The following MANBA variants were observed in gnomAD, a reference collection of about 807,000 sequenced individuals.
The protein encoded by MANBA is mannosidase beta.
Under a neutral mutation model 111.1 loss-of-function variants are expected in MANBA, and 83 were observed. The observed-to-expected ratio is 0.75, with a 90% confidence interval of 0.63 to 0.90. MANBA has a LOEUF of 0.90. Ranked by LOEUF, MANBA falls within the 40% of genes least tolerant of loss-of-function variation. The probability of loss-of-function intolerance (pLI) is 0.00; values close to 1 mark genes in which losing one functional copy is unlikely to be tolerated. For synonymous variants in MANBA, 370 were observed against 378.7 expected (o/e 0.98, Z 0.27); for missense variants, 1,036 against 1,069.0 (o/e 0.97, Z 0.43).
intron 1 of MANBA, chr4:102,728,677 C>T: frequency 1.7e-6 from 1 of 581,798 alleles, no homozygotes. Flanking sequence ...GTCTCACGTT[C>T]CCTGTGCTCC....
intron 7 of MANBA, among the ~76,000 whole-genome samples, chr4:102,689,069 G>A (rs958760826): frequency 3.3e-5 from 5 of 152,078 alleles, no homozygotes; most frequent in Non-Finnish European, 7.4e-5. Flanking sequence ...AAAATATAAG[G>A]CCGGGCGCAG....
At chr4:102,638,814 T>A (rs527915617) in intron 14 of MANBA, among the ~76,000 whole-genome samples, 1 of 152,262 alleles carries the variant, frequency 6.6e-6, no homozygotes, top group South Asian at 2.1e-4. Context: ...CTGGCACTAA[T>A]GAAAACATGT....
chr4:102,648,972 A>T (rs894196315), intron 13 of MANBA, among the ~76,000 whole-genome samples: 18 of 152,204 alleles, frequency 1.2e-4, no homozygotes, highest in African/African-American at 4.3e-4. Context: ...TAATATACTT[A>T]AATTTCAATA....
intron 8 of MANBA, chr4:102,672,226 AT>A: frequency 2.5e-6 from 1 of 396,710 alleles, no homozygotes. Flanking sequence ...TACTGATGAC[AT>A]TTACATTCTA....
intron 1 of MANBA, among the ~76,000 whole-genome samples, chr4:102,735,207 C>T (rs1723169712): frequency 6.6e-6 from 1 of 152,168 alleles, no homozygotes; most frequent in Non-Finnish European, 1.5e-5. Context: ...TAGGCAGTGC[C>T]TGCTTCTGCT....
chr4:102,715,943 A>G (rs1169575864), intron 4 of MANBA, among the ~76,000 whole-genome samples: 1 of 152,202 alleles, frequency 6.6e-6, no homozygotes, highest in African/African-American at 2.4e-5. Flanking sequence ...TTTCTCTATA[A>G]TATCTCTGAA....
At chr4:102,713,261 G>T (rs1386845571) in intron 5 of MANBA, among the ~76,000 whole-genome samples, 1 of 152,136 alleles carries the variant, frequency 6.6e-6, no homozygotes, top group Non-Finnish European at 1.5e-5. Context: ...TGATTACACT[G>T]AGCATTGCAC....
At chr4:102,663,834 G>A (rs2110215637) in intron 11 of MANBA, among the ~76,000 whole-genome samples, 1 of 152,186 alleles carries the variant, frequency 6.6e-6, no homozygotes, top group South Asian at 2.1e-4. Context: ...AAAAAATGCT[G>A]CTTTTTCTCA....
At chr4:102,716,527 GGTACCT>G (rs1722340981) in intron 4 of MANBA, among the ~76,000 whole-genome samples, 1 of 151,914 alleles carries the variant, frequency 6.6e-6, no homozygotes, top group South Asian at 2.1e-4. Flanking sequence ...ATTTGACCTG[GGTACCT>G]GTCTCTCCCT....
intron 11 of MANBA, among the ~76,000 whole-genome samples, chr4:102,658,681 G>A (rs1730699021): frequency 6.6e-6 from 1 of 152,186 alleles, no homozygotes; most frequent in Admixed American, 6.5e-5. Context: ...AGCCCATATG[G>A]GGCCATGTGC....
At chr4:102,754,104 G>C (rs981507343) in intron 1 of MANBA, 2 of 256,334 alleles carry the variant, frequency 7.8e-6, no homozygotes, top group African/African-American at 4.7e-5. Context: ...TGAAATAAAC[G>C]TATAAAGGTA....
intron 1 of MANBA, among the ~76,000 whole-genome samples, chr4:102,748,050 G>C (rs915939667): frequency 6.6e-6 from 1 of 152,202 alleles, no homozygotes; most frequent in Non-Finnish European, 1.5e-5. Flanking sequence ...CAGGGAGTGA[G>C]GCTGGGCAGC....
intron 13 of MANBA, among the ~76,000 whole-genome samples, chr4:102,649,528 T>A (rs1178217966): frequency 2.0e-5 from 3 of 152,180 alleles, no homozygotes; most frequent in Non-Finnish European, 2.9e-5. Flanking sequence ...CATTTTCAGA[T>A]ATTTATTGAC....
At chr4:102,744,465 T>C (rs541279345) in intron 1 of MANBA, among the ~76,000 whole-genome samples, 2 of 152,100 alleles carry the variant, frequency 1.3e-5, no homozygotes, top group African/African-American at 4.8e-5. Context: ...AACCAGAGAG[T>C]TGATATGTCC....
intron 5 of MANBA, among the ~76,000 whole-genome samples, chr4:102,691,247 A>G (rs1178373753): frequency 2.0e-5 from 3 of 152,142 alleles, no homozygotes; most frequent in African/African-American, 7.2e-5. Context: ...AAATAAAGTT[A>G]TACTTTAAAT....
intron 14 of MANBA, among the ~76,000 whole-genome samples, chr4:102,637,017 T>A (rs1036560401): frequency 6.6e-6 from 1 of 152,200 alleles, no homozygotes; most frequent in Non-Finnish European, 1.5e-5. Context: ...CTGATCGTTT[T>A]ATAAAGAAGG....
chr4:102,741,276 A>C (rs1242999544), intron 1 of MANBA, among the ~76,000 whole-genome samples: 2 of 152,206 alleles, frequency 1.3e-5, no homozygotes, highest in African/African-American at 4.8e-5. Flanking sequence ...GCCATAATTA[A>C]AAAAACAAAA....
intron 9 of MANBA, chr4:102,670,862 A>T (rs1188635090): frequency 6.4e-6 from 1 of 157,432 alleles, no homozygotes; most frequent in East Asian, 1.9e-4. Flanking sequence ...TTAATTTTTA[A>T]CAAATTAAAA....
At chr4:102,648,078 T>A (rs1041140315) in intron 13 of MANBA, among the ~76,000 whole-genome samples, 1 of 152,128 alleles carries the variant, frequency 6.6e-6, no homozygotes, top group African/African-American at 2.4e-5. Context: ...AAACAGCGAC[T>A]TTAATGGAGT....
Sources: allele counts gnomAD v4.1 joint callset (sites outside exome capture counted in the v4.1 genomes callset), GRCh38; gene constraint gnomAD v4.1.1; transcripts MANE v1.5; gene names NCBI Gene and HGNC (gene_info 2026-07-23, HGNC 2026-07-21).